Variants in GSPT1 observed in about 807,000 individuals in gnomAD.
GSPT1 encodes G1 to S phase transition 1, also known as eukaryotic peptide chain release factor GTP-binding subunit ERF3A.
GSPT1 carries 20 observed loss-of-function variants against 72.5 expected under a neutral mutation model. That is an observed-to-expected ratio of 0.28 (90% confidence interval 0.19 to 0.40). The LOEUF (loss-of-function observed/expected upper bound fraction) is 0.40, where lower values mean the gene tolerates loss of function less well. Among genes scored for constraint, GSPT1 ranks in the 10% least tolerant of loss-of-function variants. The pLI is 1.00. For synonymous variants in GSPT1, 334 were observed against 293.5 expected (o/e 1.14, Z -1.41); for missense variants, 580 against 811.9 (o/e 0.71, Z 3.47).
intron 11 of GSPT1, 59 bp downstream of exon 11, chr16:11,882,956 C>T: frequency 9.0e-7 from 1 of 1,114,732 alleles, no homozygotes; most frequent in South Asian, 1.3e-5. Flanking sequence ...GACCCTATCT[C>T]TTAAAGAAAA....
chr16:11,891,303 CAT>C (rs1335461363), intron 5 of GSPT1, among the ~76,000 whole-genome samples, 164 bp from the exon 6 acceptor site: 5 of 146,990 alleles, frequency 3.4e-5, no homozygotes, highest in African/African-American at 1.2e-4. Context: ...ACATATATAA[CAT>C]ATTTTTATAT....
chr16:11,904,552 T>C (rs1398276344), intron 1 of GSPT1, among the ~76,000 whole-genome samples: 1 of 151,860 alleles, frequency 6.6e-6, no homozygotes, highest in African/African-American at 2.4e-5. Context: ...AGTGTACAAT[T>C]TTTTTTTAAA....
At chr16:11,905,247 A>G (rs1325745207) in intron 1 of GSPT1, among the ~76,000 whole-genome samples, 2 of 152,222 alleles carry the variant, frequency 1.3e-5, no homozygotes, top group East Asian at 1.9e-4. Context: ...GAAATGTTTT[A>G]TATCTGTGCT....
At chr16:11,911,493 C>A (rs899198473) in intron 1 of GSPT1, among the ~76,000 whole-genome samples, 2 of 151,998 alleles carry the variant, frequency 1.3e-5, no homozygotes, top group Non-Finnish European at 2.9e-5. Flanking sequence ...TCAAGAGATC[C>A]TCCCACCTCA....
intron 5 of GSPT1, among the ~76,000 whole-genome samples, chr16:11,892,533 A>AAAAT (rs2054279756): frequency 7.6e-6 from 1 of 131,290 alleles, no homozygotes; most frequent in African/African-American, 3.5e-5. Context: ...CAAAAAAAAC[A>AAAAT]AAAAATAAAA....
rs150512749 is a variant in GSPT1 at position 11,911,937 on chromosome 16, C to G, written c.352+3432G>C. On this transcript the variant is annotated intron_variant, in intron 1 of 14. Transcript: ENST00000434724. ...TTTTATGGAGGCCTCAGGCAATCCTCTCACCTCAGCCTCCCAGAGTGTTGG... is the reference window on the plus strand; with the variant it reads ...TTTTATGGAGGCCTCAGGCAATCCTGTCACCTCAGCCTCCCAGAGTGTTGG... Among the ~76,000 whole-genome samples, 215 of 138,296 alleles carry G rather than the reference C, an allele frequency of 1.6e-3. 1 individual carries two copies. The highest frequency in any genetic ancestry group is 5.5e-3 in the African/African-American group (201 of 36,842). The allele number at this position is 138,296 out of a possible 152,430, so 90.7% of individuals were successfully genotyped here.
chr16:11,904,761 G>A (rs2054467534), intron 1 of GSPT1, among the ~76,000 whole-genome samples: 1 of 152,234 alleles, frequency 6.6e-6, no homozygotes, highest in Non-Finnish European at 1.5e-5. Flanking sequence ...TCATAAATCA[G>A]CAATTTAAAT....
chr16:11,879,738 C>CAAAA (rs1195456490), intron 11 of GSPT1, among the ~76,000 whole-genome samples: 3 of 84,320 alleles, frequency 3.6e-5, no homozygotes, highest in Admixed American at 1.2e-4. Context: ...GACTCCGTCT[C>CAAAA]AAAAAAAAAA....
chr16:11,890,993 C>G, intron 6 of GSPT1, 69 bp downstream of exon 6: 1 of 710,074 alleles, frequency 1.4e-6, no homozygotes, highest in Non-Finnish European at 2.4e-6. Flanking sequence ...TTTTAACAGG[C>G]TCCAAAAGCA....
At chr16:11,875,140 G>A (rs2054029924) in intron 14 of GSPT1, among the ~76,000 whole-genome samples, 1 of 152,046 alleles carries the variant, frequency 6.6e-6, no homozygotes, top group South Asian at 2.1e-4. Context: ...AGTGAGCCAA[G>A]ATGGTGCCAC....
chr16:11,881,673 T>TTTTC (rs71136694), intron 11 of GSPT1: 1 of 145,150 alleles, frequency 6.9e-6, no homozygotes, highest in Non-Finnish European at 1.5e-5. Flanking sequence ...TTTTTTTTTT[T>TTTTC]AGTAAAGGTC....
chr16:11,889,541 C>T (rs1051311828), intron 6 of GSPT1, among the ~76,000 whole-genome samples: 1 of 149,538 alleles, frequency 6.7e-6, no homozygotes, highest in African/African-American at 2.5e-5. Context: ...GAGTTTAGCT[C>T]TTGTTGCCCA....
chr16:11,892,808 T>TG (rs1191618949), intron 5 of GSPT1, among the ~76,000 whole-genome samples: 1 of 103,278 alleles, frequency 9.7e-6, no homozygotes, highest in Non-Finnish European at 1.7e-5. Context: ...CACTCCAGCC[T>TG]GGGCGATAGA....
chr16:11,899,612 G>A (rs2054380842), intron 1 of GSPT1, among the ~76,000 whole-genome samples: 1 of 152,090 alleles, frequency 6.6e-6, no homozygotes, highest in African/African-American at 2.4e-5. Flanking sequence ...ATTTGAACCT[G>A]GTTTGGAAGG....
rs547922885 is a variant in GSPT1 at position 11,868,675 on chromosome 16, G to A, written c.*4444C>T. ...AAAGGAGGTAACAAGGACTTGGGCT[G>A]ACATCTGAAGCACTAAGCTAATGTG... is the stretch of plus-strand genomic sequence containing the variant. On this transcript the variant is annotated 3_prime_UTR_variant, in exon 15 of 15. Coordinates refer to ENST00000434724, the MANE Select transcript of GSPT1 (RefSeq NM_002094.4). 4.6e-5 allele frequency: 7 copies of A among 152,384 alleles called. No individual in the cohort carries two copies. The highest frequency in any genetic ancestry group is 1.7e-4 in the African/African-American group (7 of 41,580). The allele number at this position is 152,384 out of a possible 1,614,324, so 9.4% of individuals were successfully genotyped here.
chr16:11,915,633 A>C lies in GSPT1; in HGVS notation c.88T>G (p.Cys30Gly). The C allele has an allele frequency of 6.7e-7, 1 of 1,485,978 alleles. No individual in the cohort carries two copies. The highest frequency in any genetic ancestry group is 8.9e-7 in the Non-Finnish European group (1 of 1,121,806). 92.0% of individuals were successfully genotyped at this position (1,485,978 alleles called of 1,614,324 possible). A position where few individuals can be genotyped will look rare whatever the true frequency, so the allele number is the denominator to read the frequency against. Residue 30 changes from cysteine to glycine, a missense_variant, in exon 1 of 15, where the codon TGC becomes GGC. Coordinates refer to ENST00000434724, the MANE Select transcript of GSPT1 (RefSeq NM_002094.4). ...GSSSSDSAPD[C>G]WDQADMEAPG... ...GCTTCCATGTCCGCCTGGTCCCAGC[A>C]GTCAGGCGCCGAGTCGCTGCTGCTG...
At position 11,895,004 on chromosome 16, in the gene GSPT1, C is replaced by T. The variant is rs754917467; in HGVS notation, c.665-17G>A. 9 of 1,571,844 alleles carry T rather than the reference C, an allele frequency of 5.7e-6. No homozygotes were observed. The African/African-American group carries it at 1.2e-4, about 21-fold the overall frequency. On this transcript the variant is annotated splice_polypyrimidine_tract_variant and intron_variant, in intron 4 of 14. Transcript: ENST00000434724. Reference sequence around the variant, plus strand: ...TGCCAGCATCTAAAAGTAACATCAACATGCAAACCATAGGTTAAAACCAAA... The same window carrying T: ...TGCCAGCATCTAAAAGTAACATCAATATGCAAACCATAGGTTAAAACCAAA...
At chr16:11,906,003 A>G (rs1465126333) in intron 1 of GSPT1, among the ~76,000 whole-genome samples, 1 of 152,208 alleles carries the variant, frequency 6.6e-6, no homozygotes, top group Non-Finnish European at 1.5e-5. Flanking sequence ...ATAAATACAC[A>G]ATCAATTTTT....
intron 10 of GSPT1, among the ~76,000 whole-genome samples, chr16:11,883,803 C>T (rs891366228): frequency 6.6e-6 from 1 of 151,834 alleles, no homozygotes; most frequent in African/African-American, 2.4e-5. Context: ...ATCCCAGCTA[C>T]TCGGAAGGCT....
Sources: gnomAD v4.1 joint callset for allele counts (sites outside exome capture counted in the v4.1 genomes callset) on GRCh38, gnomAD v4.1.1 for gene constraint, MANE v1.5 for transcripts, NCBI Gene and HGNC (gene_info 2026-07-23, HGNC 2026-07-21) for gene names.